Variants in NPIPB11 observed in about 807,000 individuals in gnomAD.
The protein encoded by NPIPB11 is nuclear pore complex interacting protein family member B11, also known as nuclear pore complex-interacting protein family member B11.
In NPIPB11, 17 loss-of-function variants were observed where a neutral mutation model predicts 32.8. That is an observed-to-expected ratio of 0.52 (90% CI 0.35 to 0.78). The LOEUF (loss-of-function observed/expected upper bound fraction) is 0.78, where lower values mean the gene tolerates loss of function less well. Among genes scored for constraint, NPIPB11 ranks in the 30% least tolerant of loss-of-function variants. The probability of loss-of-function intolerance (pLI) is 0.01; values close to 1 mark genes in which losing one functional copy is unlikely to be tolerated. For missense variants in NPIPB11, 537 were observed against 1,000.4 expected (o/e 0.54, Z 6.25); for synonymous variants, 209 against 398.4 (o/e 0.52, Z 5.66).
chr16:29,401,762 C>G (rs1963997027), intron 2 of NPIPB11, among the ~76,000 whole-genome samples: 1 of 152,134 alleles, frequency 6.6e-6, no homozygotes, highest in African/African-American at 2.4e-5. Context: ...CCCTCTCCTT[C>G]ATCTCTTAGA....
At chr16:29,401,361 C>A (rs897551458) in intron 2 of NPIPB11, among the ~76,000 whole-genome samples, 6 of 152,146 alleles carry the variant, frequency 3.9e-5, no homozygotes, top group African/African-American at 1.4e-4. Flanking sequence ...GATTTACTGA[C>A]TCAATGTCAC....
chr16:29,397,544 C>A (rs1174214532), intron 2 of NPIPB11: 8 of 1,521,002 alleles, frequency 5.3e-6, no homozygotes, highest in African/African-American at 1.4e-5. Flanking sequence ...AGGAAGAAAC[C>A]CCGAGGGTCC....
chr16:29,402,865 T>C (rs1596685548), intron 2 of NPIPB11, among the ~76,000 whole-genome samples: 2 of 129,198 alleles, frequency 1.5e-5, no homozygotes, highest in East Asian at 4.6e-4. Context: ...TTATTACTAT[T>C]GGACTTTTTG....
intron 5 of NPIPB11, among the ~76,000 whole-genome samples, chr16:29,389,392 G>T (rs1204118396): frequency 4.7e-5 from 5 of 106,972 alleles, no homozygotes; most frequent in Non-Finnish European, 7.6e-5. Context: ...AAAAAAAAAA[G>T]GCTGGCTGTG....
chr16:29,397,899 G>A (rs1963902037), intron 2 of NPIPB11, among the ~76,000 whole-genome samples: 1 of 80,556 alleles, frequency 1.2e-5, no homozygotes, highest in African/African-American at 8.0e-5. Context: ...AAGTTCTCAA[G>A]CGCTGGTGGA....
intron 2 of NPIPB11, among the ~76,000 whole-genome samples, chr16:29,400,117 G>A (rs1314795020): frequency 1.3e-5 from 2 of 151,550 alleles, no homozygotes; most frequent in African/African-American, 2.4e-5. Flanking sequence ...GGTTGTGTTG[G>A]TTGTAAAAGG....
intron 3 of NPIPB11, 48 bp from the exon 4 acceptor site, chr16:29,390,396 C>A (rs774362944): frequency 8.2e-6 from 13 of 1,589,208 alleles, no homozygotes; most frequent in Non-Finnish European, 1.0e-5. Context: ...GTGGCTCATG[C>A]GTATAATCCC....
chr16:29,399,789 C>A (rs1334214324), intron 2 of NPIPB11, among the ~76,000 whole-genome samples: 1 of 147,756 alleles, frequency 6.8e-6, no homozygotes. Context: ...TGTTCCAGCC[C>A]TAGATTTGGC....
intron 3 of NPIPB11, among the ~76,000 whole-genome samples, chr16:29,391,787 C>G (rs918613760): frequency 5.3e-5 from 8 of 152,120 alleles, no homozygotes; most frequent in Non-Finnish European, 1.2e-4. Context: ...GTGGCGCTAC[C>G]TTGGCTCACG....
chr16:29,393,953 G>T (rs1193826448), exon 3 of NPIPB11: 1 of 1,597,430 alleles, frequency 6.3e-7, no homozygotes, highest in Non-Finnish European at 8.5e-7. Context: ...CTCACCCAAA[G>T]GTAAACTATC....
chr16:29,402,913 TA>T (rs1020045787), intron 2 of NPIPB11, among the ~76,000 whole-genome samples: 7 of 140,130 alleles, frequency 5.0e-5, no homozygotes, highest in Non-Finnish European at 9.1e-5. Flanking sequence ...TGAAGGAGAA[TA>T]AAAAATATGT....
exon 8 of NPIPB11, chr16:29,382,290 C>A: frequency 6.3e-7 from 1 of 1,599,876 alleles, no homozygotes; most frequent in Non-Finnish European, 8.5e-7. Context: ...ACGCTCCCCG[C>A]AGACGCTCGG....
intron 2 of NPIPB11, among the ~76,000 whole-genome samples, chr16:29,396,022 A>AT (rs1191451606): frequency 6.7e-6 from 1 of 149,764 alleles, no homozygotes; most frequent in Non-Finnish European, 1.5e-5. Context: ...TGAAAATGGC[A>AT]TGAATAGTGT....
At chr16:29,391,986 G>A (rs942797822) in intron 3 of NPIPB11, among the ~76,000 whole-genome samples, 38 of 152,004 alleles carry the variant, frequency 2.5e-4, no homozygotes, top group Middle Eastern at 3.2e-3. Flanking sequence ...CTCCCAAAGT[G>A]CTGGGATTAC....
intron 3 of NPIPB11, among the ~76,000 whole-genome samples, chr16:29,390,785 G>T (rs1963700088): frequency 6.6e-6 from 1 of 151,666 alleles, no homozygotes; most frequent in Non-Finnish European, 1.5e-5. Flanking sequence ...CCAACATGGA[G>T]AAACACTGTC....
chr16:29,406,662 C>T (rs1292535058), upstream of NPIPB11, among the ~76,000 whole-genome samples: 4 of 151,738 alleles, frequency 2.6e-5, no homozygotes, highest in African/African-American at 7.3e-5. Context: ...TGCAGTGAGC[C>T]GAGATCATGC....
In NPIPB11 at chr16:29,397,465, C is replaced by G. The variant is rs552546663; in HGVS notation, c.121-3389G>C. On this transcript the variant is annotated intron_variant, in intron 2 of 7. Coordinates refer to ENST00000524087, the Ensembl canonical transcript of NPIPB11. Reference sequence around the variant, plus strand: ...GACTCAAGTGATCTGCCCACCTCGGCCCCCTAAAGTGCTGGGATTACAGGC... The same window carrying G: ...GACTCAAGTGATCTGCCCACCTCGGGCCCCTAAAGTGCTGGGATTACAGGC... 1.2e-4 allele frequency: 144 copies of G among 1,201,368 alleles called. No homozygotes were observed. The African/African-American group carries it at 1.8e-3, about 15-fold the overall frequency. The allele number at this position is 1,201,368 out of a possible 1,614,324, so 74.4% of individuals were successfully genotyped here.
intron 2 of NPIPB11, among the ~76,000 whole-genome samples, chr16:29,401,559 C>G (rs1250101681): frequency 6.6e-6 from 1 of 152,136 alleles, no homozygotes; most frequent in African/African-American, 2.4e-5. Flanking sequence ...CTCTCCTCCT[C>G]TGCCCCTCCA....
At chr16:29,394,108 G>C in intron 2 of NPIPB11, 32 bp from the exon 3 acceptor site, 1 of 1,591,174 alleles carries the variant, frequency 6.3e-7, no homozygotes, top group South Asian at 1.1e-5. Flanking sequence ...TAATGAAAAG[G>C]TCAATGACAC....
Sources: gnomAD v4.1 joint callset for allele counts (sites outside exome capture counted in the v4.1 genomes callset) on GRCh38, gnomAD v4.1.1 for gene constraint, MANE v1.5 for transcripts, NCBI Gene and HGNC (gene_info 2026-07-23, HGNC 2026-07-21) for gene names.